RABGAP1L: variants seen among roughly 807,000 people sequenced by gnomAD.
RABGAP1L encodes the protein rab GTPase-activating protein 1-like.
Under a neutral mutation model 137.7 loss-of-function variants are expected in RABGAP1L, and 63 were observed. That is an observed-to-expected ratio of 0.46 (90% CI 0.37 to 0.56). RABGAP1L has a LOEUF of 0.56. RABGAP1L is among the 20% of genes least tolerant of loss of function. The pLI is 0.00. For missense variants in RABGAP1L, 1,095 were observed against 1,244.0 expected (o/e 0.88, Z 1.80); for synonymous variants, 431 against 433.7 (o/e 0.99, Z 0.08).
intron 4 of RABGAP1L, among the ~76,000 whole-genome samples, chr1:174,237,531 G>T (rs1209666200): frequency 1.9e-5 from 1 of 53,462 alleles, no homozygotes; most frequent in Non-Finnish European, 3.7e-5. Context: ...CACTTATGAA[G>T]CTTAGTTTGG....
intron 13 of RABGAP1L, among the ~76,000 whole-genome samples, chr1:174,544,499 A>C (rs1009876016): frequency 2.0e-5 from 3 of 152,120 alleles, no homozygotes; most frequent in African/African-American, 7.2e-5. Flanking sequence ...CCATTCGTCT[A>C]ATCTTTCTTC....
At chr1:174,381,247 G>GA (rs1350999791) in intron 12 of RABGAP1L, among the ~76,000 whole-genome samples, 23 of 146,282 alleles carry the variant, frequency 1.6e-4, no homozygotes, top group Non-Finnish European at 2.3e-4. Context: ...GTGTGGTGCT[G>GA]AAAAAAATGT....
chr1:174,288,635 C>G (rs1445175693), intron 10 of RABGAP1L, among the ~76,000 whole-genome samples: 2 of 152,146 alleles, frequency 1.3e-5, no homozygotes, highest in Admixed American at 6.5e-5. Context: ...TTTCATAATT[C>G]TCTCTTTGTC....
intron 13 of RABGAP1L, among the ~76,000 whole-genome samples, chr1:174,456,202 G>A (rs1438091835): frequency 6.6e-6 from 1 of 151,988 alleles, no homozygotes; most frequent in Non-Finnish European, 1.5e-5. Context: ...CTTGATCAGT[G>A]TTTTAATATT....
At chr1:174,665,819 G>T (rs575986995) in intron 14 of RABGAP1L, among the ~76,000 whole-genome samples, 112 of 152,264 alleles carry the variant, frequency 7.4e-4, no homozygotes, top group African/African-American at 2.3e-3. Context: ...TCCCAGAGGG[G>T]TGTTACAATT....
intron 13 of RABGAP1L, among the ~76,000 whole-genome samples, chr1:174,596,129 C>A (rs1448919380): frequency 1.5e-5 from 2 of 136,000 alleles, no homozygotes; most frequent in South Asian, 2.4e-4. Flanking sequence ...CAGGTGCGTC[C>A]GTCACCCCTT....
chr1:174,580,268 A>T (rs1321617454), intron 13 of RABGAP1L, among the ~76,000 whole-genome samples: 1 of 152,184 alleles, frequency 6.6e-6, no homozygotes, highest in Admixed American at 6.5e-5. Flanking sequence ...TGACCCAGCA[A>T]TCCCATTACT....
intron 19 of RABGAP1L, among the ~76,000 whole-genome samples, chr1:174,912,660 G>T (rs1302832505): frequency 6.6e-6 from 1 of 152,072 alleles, no homozygotes; most frequent in African/African-American, 2.4e-5. Context: ...ACTGAATTCT[G>T]GTCTCTTTTA....
intron 13 of RABGAP1L, among the ~76,000 whole-genome samples, chr1:174,595,989 G>GT (rs1669865704): frequency 9.8e-6 from 1 of 102,278 alleles, no homozygotes; most frequent in African/African-American, 6.0e-5. Context: ...TCAGACTGCT[G>GT]TGCTAGCAAT....
intron 18 of RABGAP1L, among the ~76,000 whole-genome samples, chr1:174,794,631 T>C (rs1198838180): frequency 1.3e-5 from 2 of 152,230 alleles, no homozygotes; most frequent in Non-Finnish European, 2.9e-5. Context: ...TGTTTTGGTC[T>C]TAGAGATATA....
rs561136122 is a variant in RABGAP1L, at chr1:174,730,660, G to A, written c.2170-21653G>A. 1.3e-3 allele frequency among the ~76,000 whole-genome samples: 200 copies of A among 152,256 alleles called. 1 individual carries two copies. The highest frequency in any genetic ancestry group is 4.5e-3 in the African/African-American group (188 of 41,542). ...ACCCTTAAGTCCAGTGCCCCAGTGT[G>A]GGTTCAACAGGATAAAGTGTCTATC... On this transcript the variant is annotated intron_variant, in intron 17 of 25. Transcript: ENST00000681986.
Position 174,507,321 on chromosome 1 carries a change from A to C in RABGAP1L, c.1710+113176A>C, listed in dbSNP as rs577834642. Among the ~76,000 whole-genome samples the C allele has an allele frequency of 2.1e-3, 316 of 152,308 alleles. 2 individuals carry two copies. Among genetic ancestry groups the C allele is most frequent in the African/African-American group, 6.7e-3 (279 of 41,572 alleles). ...AAATTAAGAAAAGGTAGCTGTTAGA[A>C]TTAGGCTTGTTGGTGTAGGGTTGCC... On this transcript the variant is annotated intron_variant, in intron 13 of 25. Transcript: ENST00000681986.
intron 14 of RABGAP1L, among the ~76,000 whole-genome samples, chr1:174,662,924 A>G (rs2148424781): frequency 6.6e-6 from 1 of 152,380 alleles, no homozygotes; most frequent in Admixed American, 6.5e-5. Flanking sequence ...GAACAAGGAT[A>G]TAAAGAAAGA....
At position 174,554,010 on chromosome 1, in the gene RABGAP1L, G is replaced by T. The variant is rs549076546; in HGVS notation, c.1711-83365G>T. The stretch of plus-strand genomic sequence containing the variant: ...TGTCTCAAAAAAATAAAGAAGCATA[G>T]AATTAGAAGGAATTACAATCAATAT... On this transcript the variant is annotated intron_variant, in intron 13 of 25. Transcript: ENST00000681986. 5.9e-5 allele frequency among the ~76,000 whole-genome samples: 9 copies of T among 152,118 alleles called. No homozygotes were observed. The South Asian group carries it at 1.9e-3, about 32-fold the overall frequency.
At chr1:174,579,501 G>A (rs1452030124) in intron 13 of RABGAP1L, among the ~76,000 whole-genome samples, 1 of 152,186 alleles carries the variant, frequency 6.6e-6, no homozygotes, top group Non-Finnish European at 1.5e-5. Context: ...CACACGTGCT[G>A]TGGAAAGGGT....
chr1:174,666,590 C>T (rs1676802545), intron 14 of RABGAP1L, among the ~76,000 whole-genome samples: 1 of 152,228 alleles, frequency 6.6e-6, no homozygotes, highest in Non-Finnish European at 1.5e-5. Flanking sequence ...TGCACTCTCA[C>T]ATGGCAGCCT....
At chr1:174,614,810 T>G (rs549996059) in intron 13 of RABGAP1L, among the ~76,000 whole-genome samples, 1 of 152,152 alleles carries the variant, frequency 6.6e-6, no homozygotes, top group South Asian at 2.1e-4. Flanking sequence ...CTTCCCTTCT[T>G]GCTTCATTTC....
chr1:174,711,951 T>G (rs1213272499), intron 17 of RABGAP1L, among the ~76,000 whole-genome samples: 1 of 152,196 alleles, frequency 6.6e-6, no homozygotes, highest in Non-Finnish European at 1.5e-5. Flanking sequence ...AGCTCAAGGT[T>G]TGTAAACACA....
intron 12 of RABGAP1L, among the ~76,000 whole-genome samples, chr1:174,383,356 A>T (rs1205777318): frequency 6.6e-6 from 1 of 151,724 alleles, no homozygotes; most frequent in Admixed American, 6.6e-5. Context: ...TACCTAAGCA[A>T]GCCTGGGCAA....
Sources: allele counts gnomAD v4.1 joint callset (sites outside exome capture counted in the v4.1 genomes callset), GRCh38; gene constraint gnomAD v4.1.1; transcripts MANE v1.5; gene names NCBI Gene and HGNC (gene_info 2026-07-23, HGNC 2026-07-21).